The following CFH variants were observed in gnomAD, a reference collection of about 807,000 sequenced individuals.
CFH encodes complement factor H.
CFH carries 53 observed loss-of-function variants against 147.3 expected under a neutral mutation model. The ratio of observed to expected loss-of-function variants is 0.36; its 90% CI spans 0.29 to 0.45. The LOEUF (loss-of-function observed/expected upper bound fraction) is 0.45. Among genes scored for constraint, CFH ranks in the 20% least tolerant of loss-of-function variants. The pLI is 1.00. For synonymous variants in CFH, 536 were observed against 489.4 expected, an observed-to-expected ratio of 1.10 and a Z score of -1.26; for missense variants, 1,380 against 1,498.0, an observed-to-expected ratio of 0.92 and a Z score of 1.30.
chr1:196,714,664 TATATAGAGAGAGAGAGAGAGAGAGAGAG>T (rs1668816773), intron 10 of CFH, among the ~76,000 whole-genome samples: 1 of 31,794 alleles, frequency 3.1e-5, no homozygotes, highest in African/African-American at 1.2e-4. Flanking sequence ...TATATATATA[TATATAGAGAGAGAGAGAGAGAGAGAGAG>T]AGAGAGAGAG....
intron 9 of CFH, among the ~76,000 whole-genome samples, chr1:196,706,540 G>C (rs150453136): frequency 1.3e-5 from 2 of 152,164 alleles, no homozygotes; most frequent in African/African-American, 4.8e-5. Context: ...AAGATGTAAA[G>C]AGAGAATTCG....
intron 1 of CFH, among the ~76,000 whole-genome samples, chr1:196,663,326 G>A (rs533121855): frequency 6.6e-5 from 10 of 152,052 alleles, no homozygotes; most frequent in South Asian, 2.1e-4. Context: ...TCCTGTCCAC[G>A]AATTCTTTTT....
At chr1:196,701,193 G>A in intron 9 of CFH, 1 of 1,328,852 alleles carries the variant, frequency 7.5e-7, no homozygotes, top group Non-Finnish European at 1.1e-6. Context: ...ACTAGTGGAA[G>A]AAATTACTAA....
chr1:196,653,700 C>T (rs1281973176), intron 1 of CFH, among the ~76,000 whole-genome samples: 2 of 152,052 alleles, frequency 1.3e-5, no homozygotes, highest in African/African-American at 4.8e-5. Flanking sequence ...GTGATTTAAA[C>T]ATCTTATTTA....
Position 196,673,162 on chromosome 1 carries a change from G to C in CFH, c.243G>C (p.Gln81His). The change falls in exon 2 of 22, where the codon CAG (glutamine) becomes CAC (histidine). Residue 81 changes from glutamine to histidine, a missense_variant and splice_region_variant. Gln to His is a conservative substitution (Grantham distance 24). This residue lies in a region of CFH where 260 missense variants were observed against 263.3 expected (regional missense o/e 0.99). Transcript: ENST00000367429. ...CTCTTAATCCATTAAGGAAATGTCA[G>C]AGTAAGTACTTAATACATTTGTGAA... ...WVALNPLRKCQKRPCGHPGDT... is the reference protein window; with the variant it reads ...WVALNPLRKCHKRPCGHPGDT... The C allele has an allele frequency of 6.2e-7, 1 of 1,611,644 alleles. No individual in the cohort carries two copies. The highest frequency in any genetic ancestry group is 8.5e-7 in the Non-Finnish European group (1 of 1,178,114).
At chr1:196,719,452 C>A (rs1668947037) in intron 11 of CFH, among the ~76,000 whole-genome samples, 1 of 151,816 alleles carries the variant, frequency 6.6e-6, no homozygotes, top group South Asian at 2.1e-4. Context: ...AAATAATCTG[C>A]AAAACTCATT....
At chr1:196,673,254 C>A in intron 2 of CFH, 91 bp downstream of exon 2, 1 of 1,127,954 alleles carries the variant, frequency 8.9e-7, no homozygotes, top group Non-Finnish European at 1.3e-6. Context: ...TGAATTATAT[C>A]ACTATTGCCA....
At chr1:196,730,593 T>C (rs1005055624) in intron 15 of CFH, among the ~76,000 whole-genome samples, 9 of 151,986 alleles carry the variant, frequency 5.9e-5, no homozygotes, top group South Asian at 2.1e-4. Context: ...TCCAATCTAT[T>C]TGGTATAAAT....
intron 9 of CFH, among the ~76,000 whole-genome samples, chr1:196,692,829 CT>C (rs1668109148): frequency 1.1e-5 from 1 of 89,322 alleles, no homozygotes; most frequent in Non-Finnish European, 2.2e-5. Flanking sequence ...TTTCTCTTTC[CT>C]TCTTTCTTTC....
chr1:196,672,718 GT>G (rs922105942), intron 1 of CFH, among the ~76,000 whole-genome samples: 7 of 152,200 alleles, frequency 4.6e-5, no homozygotes, highest in East Asian at 1.9e-4. Flanking sequence ...GCTTTGCAAA[GT>G]TTTTTAGGTG....
At chr1:196,713,497 A>G (rs1287544607) in intron 9 of CFH, among the ~76,000 whole-genome samples, 2 of 152,180 alleles carry the variant, frequency 1.3e-5, no homozygotes, top group African/African-American at 4.8e-5. Flanking sequence ...ATAATTTCTT[A>G]GAAATAATTG....
intron 9 of CFH, among the ~76,000 whole-genome samples, chr1:196,710,413 A>G (rs1668699345): frequency 6.6e-6 from 1 of 152,176 alleles, no homozygotes; most frequent in African/African-American, 2.4e-5. Flanking sequence ...GGATCGATCC[A>G]TGCATGTGAG....
At chr1:196,705,470 G>A (rs930339475) in intron 9 of CFH, among the ~76,000 whole-genome samples, 1 of 152,062 alleles carries the variant, frequency 6.6e-6, no homozygotes, top group Non-Finnish European at 1.5e-5. Flanking sequence ...CCAGACACTT[G>A]ACTTCTAGAA....
chr1:196,687,844 GA>G lies in CFH; in HGVS notation c.965-1569del, dbSNP rs535005666. Among the ~76,000 whole-genome samples the G allele has an allele frequency of 5.6e-3, 856 of 151,788 alleles. 9 individuals carry two copies. Among genetic ancestry groups the G allele is most frequent in the African/African-American group, 0.02 (819 of 41,462 alleles). ...ACACTGGGAGCTTCAGATAAATAGG[GA>G]AAAAAATCTATCAATTATAAGATAT... On this transcript the variant is annotated intron_variant, in intron 7 of 21. Transcript: ENST00000367429.
At chr1:196,688,528 G>A (rs897732111) in intron 7 of CFH, among the ~76,000 whole-genome samples, 3 of 152,022 alleles carry the variant, frequency 2.0e-5, no homozygotes, top group Admixed American at 6.6e-5. Context: ...TTTTCTGCGC[G>A]GTATCATCAA....
At position 196,747,479 on chromosome 1, in the gene CFH, C is replaced by T. The variant is rs1034179360; in HGVS notation, c.*166C>T. The T allele has an allele frequency of 7.8e-6, 7 of 893,732 alleles. No homozygotes were observed. The highest frequency in any genetic ancestry group is 6.8e-5 in the African/African-American group (4 of 58,788). 55.4% of individuals were successfully genotyped at this position (893,732 alleles called of 1,614,324 possible). On this transcript the variant is annotated 3_prime_UTR_variant, in exon 22 of 22. Coordinates refer to ENST00000367429, the MANE Select transcript of CFH (RefSeq NM_000186.4). ...AGACCGGTGGCTCTCTTCTTAAAAGCACCATATTAAATCCTGGAAAACTAA... is the reference window on the plus strand; with the variant it reads ...AGACCGGTGGCTCTCTTCTTAAAAGTACCATATTAAATCCTGGAAAACTAA...
chr1:196,689,692 CA>C (rs1667958318), intron 8 of CFH, 78 bp downstream of exon 8: 1 of 1,470,772 alleles, frequency 6.8e-7, no homozygotes, highest in Non-Finnish European at 9.5e-7. Context: ...TAAGTGATTA[CA>C]CCTGTCTTAT....
At chr1:196,715,071 A>T (rs952247105) in intron 10 of CFH, among the ~76,000 whole-genome samples, 2 of 152,126 alleles carry the variant, frequency 1.3e-5, no homozygotes, top group Admixed American at 1.3e-4. Flanking sequence ...TAGTTTACAA[A>T]AAATGTTAGT....
At chr1:196,655,532 G>A (rs1283932642) in intron 1 of CFH, among the ~76,000 whole-genome samples, 1 of 152,204 alleles carries the variant, frequency 6.6e-6, no homozygotes, top group Non-Finnish European at 1.5e-5. Context: ...ATTGGTAAAT[G>A]TTCTTCATGT....
Sources: allele counts gnomAD v4.1 joint callset (sites outside exome capture counted in the v4.1 genomes callset), GRCh38; gene constraint gnomAD v4.1.1; regional missense constraint gnomAD v4.1.1; transcripts MANE v1.5; gene names NCBI Gene and HGNC (gene_info 2026-07-23, HGNC 2026-07-21).